The following CES5A variants were observed in gnomAD, a reference collection of about 807,000 sequenced individuals.
CES5A encodes carboxylesterase 5.
Under a neutral mutation model 62.9 loss-of-function variants are expected in CES5A, and 67 were observed. That is an observed-to-expected ratio of 1.07 (90% CI 0.88 to 1.31). The LOEUF (loss-of-function observed/expected upper bound fraction) is 1.31. Ranked by LOEUF, CES5A falls within the 50% of genes most tolerant of loss-of-function variation. The pLI is 0.00. For synonymous variants in CES5A, 296 were observed against 280.8 expected, an observed-to-expected ratio of 1.05 and a Z score of -0.54; for missense variants, 748 against 708.5, an observed-to-expected ratio of 1.06 and a Z score of -0.63.
At position 55,863,348 on chromosome 16, in the gene CES5A, G is replaced by T. The variant is rs201974680; in HGVS notation, c.810C>A (p.Asp270Glu). Residue 270 changes from aspartate (D) to glutamate (E), a missense_variant and splice_region_variant, in exon 6 of 13, where the codon GAC becomes GAA. Coordinates refer to ENST00000290567, the MANE Select transcript of CES5A (RefSeq NM_001143685.2). Reference sequence around the variant, plus strand: ...GGCAAGGTGTTAACAGTATACGTACGTCCTCACTCTTCTCATAATCATGGG... The same window carrying T: ...GGCAAGGTGTTAACAGTATACGTACTTCCTCACTCTTCTCATAATCATGGG... ...LEAHDYEKSEDLQVVAHFCGN... is the reference protein window; with the variant it reads ...LEAHDYEKSEELQVVAHFCGN... 10 of 1,483,012 alleles carry T rather than the reference G, an allele frequency of 6.7e-6. No homozygotes were observed. 91.9% of individuals were successfully genotyped at this position (1,483,012 alleles called of 1,614,324 possible).
At chr16:55,940,925 A>T (rs1380586952) in intron 2 of CES5A, among the ~76,000 whole-genome samples, 11 of 151,894 alleles carry the variant, frequency 7.2e-5, no homozygotes, top group Middle Eastern at 3.2e-3. Context: ...TAATCCAGAA[A>T]ATGCATTTGA....
intron 2 of CES5A, among the ~76,000 whole-genome samples, chr16:55,938,513 GGATCACAAGGTCAGGA>G (rs1201972071): frequency 6.6e-6 from 1 of 151,500 alleles, no homozygotes; most frequent in Non-Finnish European, 1.5e-5. Context: ...CAAGGTGGGT[GGATCACAAGGTCAGGA>G]GATCAAGACC....
intron 8 of CES5A, among the ~76,000 whole-genome samples, chr16:55,857,755 A>G (rs1321542795): frequency 6.6e-6 from 1 of 152,216 alleles, no homozygotes; most frequent in East Asian, 1.9e-4. Context: ...TTTACTGAGC[A>G]CTGACTATAT....
At chr16:55,931,003 T>C (rs9922897) in intron 2 of CES5A, among the ~76,000 whole-genome samples, 9,672 of 152,292 alleles carry the variant, frequency 0.064, 429 homozygotes, top group Non-Finnish European at 0.091. Context: ...AGGTTGGACA[T>C]TTTTGGTGGA....
intron 1 of CES5A, among the ~76,000 whole-genome samples, chr16:55,907,812 T>C (rs1315251071): frequency 6.6e-6 from 1 of 152,184 alleles, no homozygotes; most frequent in Non-Finnish European, 1.5e-5. Flanking sequence ...ACCAAGCCCC[T>C]GTCACTGTCC....
At chr16:55,906,611 G>A (rs1316285421) in intron 1 of CES5A, among the ~76,000 whole-genome samples, 1 of 152,246 alleles carries the variant, frequency 6.6e-6, no homozygotes, top group East Asian at 1.9e-4. Context: ...GAAGCCACGG[G>A]CACGTGAATG....
upstream of CES5A, among the ~76,000 whole-genome samples, chr16:55,875,602 G>T (rs1319315729): frequency 1.3e-5 from 2 of 152,218 alleles, no homozygotes; most frequent in Admixed American, 1.3e-4. Context: ...AAGACACAGT[G>T]CAGGTCAGAG....
rs976799770 is a variant in CES5A, at chr16:55,903,271, G to A, written c.-256+22052C>T. ...TCTACACCAGACTATGAGATCCAAGGGGGCAGGAGCCATAACTGCCTCATA... is the reference window on the plus strand; with the variant it reads ...TCTACACCAGACTATGAGATCCAAGAGGGCAGGAGCCATAACTGCCTCATA... On this transcript the variant is annotated intron_variant, in intron 1 of 12. Coordinates refer to the CES5A transcript ENST00000518005. Among the ~76,000 whole-genome samples the A allele has an allele frequency of 3.3e-5, 5 of 152,316 alleles. No individual in the cohort carries two copies. The East Asian group carries it at 9.7e-4, about 29-fold the overall frequency.
intron 1 of CES5A, among the ~76,000 whole-genome samples, chr16:55,924,271 C>A (rs1017194499): frequency 3.3e-5 from 5 of 151,780 alleles, no homozygotes; most frequent in Admixed American, 6.6e-5. Context: ...ATTAAATATG[C>A]CAATAGCAAA....
intron 1 of CES5A, among the ~76,000 whole-genome samples, chr16:55,903,790 A>C (rs1306130997): frequency 6.6e-6 from 1 of 152,210 alleles, no homozygotes; most frequent in Non-Finnish European, 1.5e-5. Flanking sequence ...AAATTGCAAG[A>C]CCTGGAAAAT....
At chr16:55,851,841 G>T (rs549323076) in intron 10 of CES5A, among the ~76,000 whole-genome samples, 1 of 152,276 alleles carries the variant, frequency 6.6e-6, no homozygotes, top group South Asian at 2.1e-4. Flanking sequence ...ACATACAATG[G>T]AACATTAGTC....
At chr16:55,948,045 T>G (rs1393264390) in intron 2 of CES5A, among the ~76,000 whole-genome samples, 3 of 151,504 alleles carry the variant, frequency 2.0e-5, no homozygotes, top group Non-Finnish European at 2.9e-5. Flanking sequence ...CCTGATTAGG[T>G]GGTATAAACC....
At chr16:55,928,789 T>C (rs1597153854), upstream of CES5A, among the ~76,000 whole-genome samples, 1 of 152,212 alleles carries the variant, frequency 6.6e-6, no homozygotes, top group East Asian at 1.9e-4. Flanking sequence ...TTGATTCTGC[T>C]GTTAATTGTT....
intron 2 of CES5A, among the ~76,000 whole-genome samples, chr16:55,936,167 T>C (rs1454093584): frequency 1.3e-5 from 2 of 152,326 alleles, no homozygotes; most frequent in South Asian, 2.1e-4. Context: ...CCAGTAGCCA[T>C]GCTGTTATTT....
At chr16:55,939,209 C>T (rs960556771) in intron 2 of CES5A, among the ~76,000 whole-genome samples, 13 of 152,106 alleles carry the variant, frequency 8.5e-5, no homozygotes, top group African/African-American at 2.7e-4. Context: ...TCAGAAATGA[C>T]CCTTGTACAA....
In CES5A at chr16:55,948,794, A is replaced by G. The variant is rs117238692; in HGVS notation, c.160+991T>C. ...TGAGAAAGGGTCAAATTTAGGATCA[A>G]TTTGGATGGTAAAGCTAAGCAGATT... On this transcript the variant is annotated intron_variant, in intron 2 of 13. Coordinates refer to the CES5A transcript ENST00000521992. Among the ~76,000 whole-genome samples, 200 of 152,290 alleles carry G rather than the reference A, an allele frequency of 1.3e-3. 3 individuals are homozygous for G. In the East Asian group the frequency reaches 0.034, roughly 26 times the overall value.
intron 10 of CES5A, among the ~76,000 whole-genome samples, chr16:55,852,591 A>G (rs753002320): frequency 1.1e-4 from 17 of 152,230 alleles, no homozygotes; most frequent in Non-Finnish European, 2.4e-4. Flanking sequence ...ATTTCTAGAA[A>G]GAAAAAATCC....
At chr16:55,851,379 C>T (rs2033130310) in intron 10 of CES5A, among the ~76,000 whole-genome samples, 1 of 152,068 alleles carries the variant, frequency 6.6e-6, no homozygotes, top group Non-Finnish European at 1.5e-5. Context: ...CCAATAAGCA[C>T]ATGAAAAGAT....
intron 10 of CES5A, among the ~76,000 whole-genome samples, chr16:55,850,591 GTAAGTATATACTGAAT>G (rs1381265229): frequency 6.6e-6 from 1 of 152,208 alleles, no homozygotes; most frequent in Non-Finnish European, 1.5e-5. Context: ...ATAATCCATT[GTAAGTATATACTGAAT>G]TTTGTTTATC....
Sources: gnomAD v4.1 joint callset for allele counts (sites outside exome capture counted in the v4.1 genomes callset) on GRCh38, gnomAD v4.1.1 for gene constraint, MANE v1.5 for transcripts, NCBI Gene and HGNC (gene_info 2026-07-23, HGNC 2026-07-21) for gene names.